MALRD1: variants seen among roughly 807,000 people sequenced by gnomAD.
MALRD1 encodes the protein MAM and LDL receptor class A domain containing 1.
MALRD1 carries 247 observed loss-of-function variants against 242.1 expected under a neutral mutation model. The ratio of observed to expected loss-of-function variants is 1.02; its 90% CI spans 0.92 to 1.13. MALRD1 has a LOEUF of 1.13. MALRD1 is among the 50% of genes most tolerant of loss of function. The probability of loss-of-function intolerance (pLI) is 0.00; values close to 1 mark genes in which losing one functional copy is unlikely to be tolerated. For synonymous variants in MALRD1, 995 were observed against 866.6 expected, an observed-to-expected ratio of 1.15 and a Z score of -2.60; for missense variants, 2,989 against 2,533.1, an observed-to-expected ratio of 1.18 and a Z score of -3.86.
intron 36 of MALRD1, among the ~76,000 whole-genome samples, chr10:19,669,376 G>A (rs1841814477): frequency 6.6e-6 from 1 of 152,152 alleles, no homozygotes; most frequent in Non-Finnish European, 1.5e-5. Context: ...AAATGAGGGA[G>A]GAAACTGAGG....
intron 33 of MALRD1, among the ~76,000 whole-genome samples, chr10:19,587,360 C>T (rs182943412): frequency 9.2e-5 from 14 of 152,344 alleles, no homozygotes; most frequent in Non-Finnish European, 1.9e-4. Flanking sequence ...CTGTCTATAT[C>T]ACTGCGTATG....
chr10:19,403,028 G>T (rs1564310501), intron 28 of MALRD1, among the ~76,000 whole-genome samples: 1 of 152,028 alleles, frequency 6.6e-6, no homozygotes, highest in Admixed American at 6.6e-5. Context: ...CATTTATAGT[G>T]CTTAAAGAAG....
intron 18 of MALRD1, among the ~76,000 whole-genome samples, chr10:19,216,007 C>A (rs751905239): frequency 2.0e-5 from 3 of 151,654 alleles, no homozygotes; most frequent in Non-Finnish European, 4.4e-5. Flanking sequence ...TTATTCAAGA[C>A]CTTTCCTTGT....
intron 28 of MALRD1, among the ~76,000 whole-genome samples, chr10:19,433,902 A>AC (rs1564336010): frequency 6.6e-6 from 1 of 152,062 alleles, no homozygotes; most frequent in African/African-American, 2.4e-5. Flanking sequence ...GCACACACAC[A>AC]CAGGGATATT....
Position 19,663,979 on chromosome 10 carries a change from A to G in MALRD1, c.6138-28303A>G, listed in dbSNP as rs143996947. ...CCTTTTCTACTTGCCAGGCAGGGAC[A>G]TACAAGAAACAAGGAAAAGGCAAAC... On this transcript the variant is annotated intron_variant, in intron 36 of 39. Coordinates refer to ENST00000454679, the MANE Select transcript of MALRD1 (RefSeq NM_001142308.3). 4.5e-3 allele frequency among the ~76,000 whole-genome samples: 686 copies of G among 152,240 alleles called. 6 individuals are homozygous for G. Among genetic ancestry groups the G allele is most frequent in the African/African-American group, 0.015 (628 of 41,552 alleles).
In MALRD1 at chr10:19,148,965, A is replaced by G. The variant is rs533826699; in HGVS notation, c.1558+2621A>G. 4.6e-5 allele frequency among the ~76,000 whole-genome samples: 7 copies of G among 151,948 alleles called. No individual in the cohort carries two copies. The South Asian group carries it at 1.5e-3, about 32-fold the overall frequency. On this transcript the variant is annotated intron_variant, in intron 11 of 39. Transcript: ENST00000454679. ...GGAAAGTGAAATGGAAATTTCTGGT[A>G]GAGTCAGAGGCAGCCTAATAATTCC...
intron 33 of MALRD1, among the ~76,000 whole-genome samples, chr10:19,580,263 A>C (rs1047533393): frequency 6.6e-6 from 1 of 152,142 alleles, no homozygotes; most frequent in East Asian, 1.9e-4. Flanking sequence ...TGGTATCACT[A>C]TTTTTGGTTA....
At chr10:19,689,702 T>C (rs889930129) in intron 36 of MALRD1, among the ~76,000 whole-genome samples, 1 of 152,182 alleles carries the variant, frequency 6.6e-6, no homozygotes, top group South Asian at 2.1e-4. Context: ...ACGTTTTTGG[T>C]TTCTTCTCAA....
chr10:19,398,076 G>A (rs1846668215), intron 28 of MALRD1, among the ~76,000 whole-genome samples: 2 of 152,156 alleles, frequency 1.3e-5, no homozygotes, highest in South Asian at 2.1e-4. Context: ...TTTGTCAGAT[G>A]TAGAGTTTGC....
chr10:19,290,748 A>T (rs975773467), intron 21 of MALRD1, among the ~76,000 whole-genome samples: 10 of 152,170 alleles, frequency 6.6e-5, no homozygotes, highest in African/African-American at 1.4e-4. Flanking sequence ...TTTTTAAAAA[A>T]TTATTATTTG....
rs140483883 is a variant in MALRD1, at chr10:19,667,594, ACT to A, written c.6138-24669_6138-24668del. Among the ~76,000 whole-genome samples the A allele has an allele frequency of 3.1e-3, 429 of 138,004 alleles. 2 individuals are homozygous for A. Among genetic ancestry groups the A allele is most frequent in the African/African-American group, 6.1e-3 (225 of 36,846 alleles). The allele number at this position is 138,004 out of a possible 152,430, so 90.5% of individuals were successfully genotyped here. ...TAAAAGTGTGTGGCACCTCCCTGCC[ACT>A]CTCTCTCTCTCTCTCTCTTGCTTAC... is the stretch of plus-strand genomic sequence containing the variant. On this transcript the variant is annotated intron_variant, in intron 36 of 39. Transcript: ENST00000454679.
intron 10 of MALRD1, among the ~76,000 whole-genome samples, chr10:19,138,440 G>GTTTA (rs1462452348): frequency 4.8e-3 from 681 of 141,062 alleles, no homozygotes; most frequent in Non-Finnish European, 6.9e-3. Context: ...TTTTTTTTGG[G>GTTTA]GACAGAGTCT....
intron 10 of MALRD1, among the ~76,000 whole-genome samples, chr10:19,138,331 C>T (rs535348577): frequency 6.6e-6 from 1 of 151,916 alleles, no homozygotes; most frequent in Non-Finnish European, 1.5e-5. Flanking sequence ...TGCTTCATTT[C>T]TGTTGGGGAA....
chr10:19,538,235 G>T (rs999118725), intron 32 of MALRD1, among the ~76,000 whole-genome samples: 2 of 152,140 alleles, frequency 1.3e-5, no homozygotes, highest in Non-Finnish European at 2.9e-5. Flanking sequence ...ATATTTTATA[G>T]AAATTAGGAA....
chr10:19,054,065 T>C (rs962150035), intron 1 of MALRD1, among the ~76,000 whole-genome samples: 1 of 152,100 alleles, frequency 6.6e-6, no homozygotes, highest in Admixed American at 6.5e-5. Flanking sequence ...TTAACATGCT[T>C]ATCAAGGGAA....
intron 1 of MALRD1, among the ~76,000 whole-genome samples, chr10:19,066,216 C>T (rs566245288): frequency 6.6e-5 from 10 of 152,190 alleles, no homozygotes; most frequent in Admixed American, 2.0e-4. Context: ...AATCTTTACG[C>T]GTTAAGTCCA....
intron 29 of MALRD1, among the ~76,000 whole-genome samples, chr10:19,486,569 T>C (rs1837246041): frequency 6.6e-6 from 1 of 152,168 alleles, no homozygotes; most frequent in South Asian, 2.1e-4. Flanking sequence ...AATACCATGG[T>C]CTTCAAAAGC....
chr10:19,504,667 T>TA (rs1838122151), intron 31 of MALRD1, among the ~76,000 whole-genome samples: 1 of 78,140 alleles, frequency 1.3e-5, no homozygotes, highest in Non-Finnish European at 2.3e-5. Flanking sequence ...GTAACACATT[T>TA]TTTTTTTTTT....
chr10:19,548,372 G>A (rs1428922643), intron 32 of MALRD1, among the ~76,000 whole-genome samples: 1 of 151,796 alleles, frequency 6.6e-6, no homozygotes. Flanking sequence ...AGTTTTAATT[G>A]CTGTGCCTTT....
Sources: gnomAD v4.1 joint callset for allele counts (sites outside exome capture counted in the v4.1 genomes callset) on GRCh38, gnomAD v4.1.1 for gene constraint, MANE v1.5 for transcripts, NCBI Gene and HGNC (gene_info 2026-07-23, HGNC 2026-07-21) for gene names.